DLGAP1: variants seen among roughly 807,000 people sequenced by gnomAD.
The protein encoded by DLGAP1 is DLG associated protein 1.
In DLGAP1, 11 loss-of-function variants were observed where a neutral mutation model predicts 90.8. The ratio of observed to expected loss-of-function variants is 0.12; its 90% CI spans 0.08 to 0.20. The LOEUF is 0.20. Ranked by LOEUF, DLGAP1 falls within the 10% of genes least tolerant of loss-of-function variation. The probability of loss-of-function intolerance (pLI) is 1.00; values close to 1 mark genes in which losing one functional copy is unlikely to be tolerated. For missense variants in DLGAP1, 1,050 were observed against 1,333.8 expected (o/e 0.79, Z 3.31); for synonymous variants, 558 against 540.7 (o/e 1.03, Z -0.44).
chr18:4,083,852 C>G (rs2075646310), intron 2 of DLGAP1, among the ~76,000 whole-genome samples: 1 of 152,118 alleles, frequency 6.6e-6, no homozygotes, highest in Non-Finnish European at 1.5e-5. Context: ...ACAGGGTGCT[C>G]TTTCAGCTTG....
At chr18:4,024,496 C>T (rs978459446) in intron 2 of DLGAP1, among the ~76,000 whole-genome samples, 2 of 152,154 alleles carry the variant, frequency 1.3e-5, no homozygotes, top group Non-Finnish European at 2.9e-5. Flanking sequence ...ACAAGACAGG[C>T]AAAGGGGACG....
intron 1 of DLGAP1, among the ~76,000 whole-genome samples, chr18:4,445,307 T>TTTA (rs1555620088): frequency 2.6e-5 from 4 of 151,654 alleles, no homozygotes; most frequent in Admixed American, 6.6e-5. Flanking sequence ...TCTTTTTTTT[T>TTTA]TTATTATACT....
intron 1 of DLGAP1, among the ~76,000 whole-genome samples, chr18:4,303,568 A>G (rs1351774863): frequency 6.6e-6 from 1 of 152,168 alleles, no homozygotes; most frequent in East Asian, 1.9e-4. Flanking sequence ...GATTGTATTG[A>G]CAATTCAAAT....
intron 7 of DLGAP1, among the ~76,000 whole-genome samples, chr18:3,584,329 A>C (rs1468979994): frequency 7.6e-6 from 1 of 131,836 alleles, no homozygotes; most frequent in Non-Finnish European, 1.6e-5. Context: ...AGACCTGGCC[A>C]TGCAGTCCCA....
At chr18:3,844,458 T>A (rs989571428) in intron 4 of DLGAP1, among the ~76,000 whole-genome samples, 1 of 152,182 alleles carries the variant, frequency 6.6e-6, no homozygotes, top group Admixed American at 6.6e-5. Flanking sequence ...AAAAGCTATA[T>A]CACAAAAAAG....
At position 3,562,167 on chromosome 18, in the gene DLGAP1, T is replaced by C. The variant is rs2054162316; in HGVS notation, c.2057+5323A>G. Among the ~76,000 whole-genome samples, 3 of 151,850 alleles carry C rather than the reference T, an allele frequency of 2.0e-5. No individual in the cohort carries two copies. In the South Asian group the frequency reaches 6.2e-4, roughly 32 times the overall value. ...GCTTGAACCCAGGAGGCAGAGGTTGTAGTGAGCCGAAATCATGCCATTGCA... is the reference window on the plus strand; with the variant it reads ...GCTTGAACCCAGGAGGCAGAGGTTGCAGTGAGCCGAAATCATGCCATTGCA... On this transcript the variant is annotated intron_variant, in intron 9 of 12. Transcript: ENST00000315677.
At chr18:4,243,320 T>A (rs567811955) in intron 1 of DLGAP1, among the ~76,000 whole-genome samples, 93 of 152,312 alleles carry the variant, frequency 6.1e-4, no homozygotes, top group African/African-American at 2.1e-3. Flanking sequence ...ACAAAACTCA[T>A]AAGTCTGATT....
intron 9 of DLGAP1, among the ~76,000 whole-genome samples, chr18:3,552,921 G>A (rs1599200594): frequency 1.3e-5 from 2 of 151,952 alleles, no homozygotes; most frequent in African/African-American, 4.8e-5. Context: ...CTGCCAAATC[G>A]GTTGTCACTT....
rs1357728867 is a variant in DLGAP1 at position 3,775,672 on chromosome 18, C to T, written c.1173-33160G>A. Among the ~76,000 whole-genome samples the T allele has an allele frequency of 6.6e-6, 1 of 152,164 alleles. No homozygotes were observed. The highest frequency in any genetic ancestry group is 2.4e-5 in the African/African-American group (1 of 41,440). On this transcript the variant is annotated intron_variant, in intron 5 of 12. Coordinates refer to ENST00000315677, the MANE Select transcript of DLGAP1 (RefSeq NM_004746.4). The surrounding 1 kb of genome is among the most constrained non-coding windows in gnomAD (Gnocchi z 4.9). ...TTTGTGTGCCATTTCTTCTATTAAT[C>T]TGCCTTTTAAAAGTTGATTTTCAGC...
intron 2 of DLGAP1, among the ~76,000 whole-genome samples, chr18:4,095,011 C>T (rs1039628463): frequency 5.9e-5 from 9 of 152,068 alleles, no homozygotes; most frequent in Admixed American, 4.6e-4. Flanking sequence ...CCCTTCTTCC[C>T]GTTCATTCAG....
intron 4 of DLGAP1, among the ~76,000 whole-genome samples, chr18:3,877,215 A>G (rs929926482): frequency 6.6e-6 from 1 of 152,254 alleles, no homozygotes; most frequent in Non-Finnish European, 1.5e-5. Flanking sequence ...TTTTCAATTA[A>G]TATCACTTTC....
intron 2 of DLGAP1, among the ~76,000 whole-genome samples, chr18:4,107,269 C>T (rs1339282005): frequency 6.6e-6 from 1 of 152,172 alleles, no homozygotes; most frequent in Non-Finnish European, 1.5e-5. Flanking sequence ...TTCTATAAGG[C>T]CTGACACTCC....
chr18:3,768,611 C>T (rs2064366607), intron 5 of DLGAP1, among the ~76,000 whole-genome samples: 1 of 152,076 alleles, frequency 6.6e-6, no homozygotes, highest in Admixed American at 6.5e-5. Context: ...CAGACCAGTG[C>T]AACAGAATGG....
At chr18:4,299,912 C>T (rs12963994) in intron 1 of DLGAP1, among the ~76,000 whole-genome samples, 32,756 of 152,014 alleles carry the variant, frequency 0.22, 3,621 homozygotes, top group African/African-American at 0.25. Context: ...ATTGGAAAAT[C>T]ATTAAAACTA....
At chr18:3,759,749 A>C (rs2063872730) in intron 5 of DLGAP1, among the ~76,000 whole-genome samples, 1 of 152,264 alleles carries the variant, frequency 6.6e-6, no homozygotes, top group African/African-American at 2.4e-5. Flanking sequence ...GCAAGCAAGC[A>C]ACCATAAGAG....
In DLGAP1 at chr18:3,499,176, G is replaced by A. The variant is rs1200847473; in HGVS notation, c.*9C>T. On this transcript the variant is annotated 3_prime_UTR_variant, in exon 13 of 13. Coordinates refer to ENST00000315677, the MANE Select transcript of DLGAP1 (RefSeq NM_004746.4). This position sits in a 1 kb window ranked among gnomAD's most constrained non-coding sequence, Gnocchi z 6.4. The stretch of plus-strand genomic sequence containing the variant: ...GATGCTTGGCGGCGGCGGCCGGGCT[G>A]CGGGGCGCTCAGAGCCGGGTCTGCG... The A allele has an allele frequency of 1.9e-6, 3 of 1,554,742 alleles. No individual in the cohort carries two copies. Among genetic ancestry groups the A allele is most frequent in the Non-Finnish European group, 2.6e-6 (3 of 1,157,550 alleles).
At chr18:3,612,066 T>C (rs2057661371) in intron 7 of DLGAP1, among the ~76,000 whole-genome samples, 1 of 152,246 alleles carries the variant, frequency 6.6e-6, no homozygotes, top group South Asian at 2.1e-4. Context: ...AAAGGCAATA[T>C]TGTATGATGT....
At chr18:3,602,982 C>G (rs1350554322) in intron 7 of DLGAP1, 1 of 152,154 alleles carries the variant, frequency 6.6e-6, no homozygotes, top group Non-Finnish European at 1.5e-5. Flanking sequence ...TTGCTGTTGC[C>G]GCTGCCTGTG....
chr18:4,368,651 ACAC>A (rs1227164323), intron 1 of DLGAP1, among the ~76,000 whole-genome samples: 2 of 149,158 alleles, frequency 1.3e-5, no homozygotes, highest in African/African-American at 5.0e-5. Context: ...ACACACACAC[ACAC>A]ACACACACAC....
Sources: gnomAD v4.1 joint callset for allele counts (sites outside exome capture counted in the v4.1 genomes callset) on GRCh38, gnomAD v4.1.1 for gene constraint, Gnocchi (gnomAD v3.1) non-coding constraint, MANE v1.5 for transcripts, NCBI Gene and HGNC (gene_info 2026-07-23, HGNC 2026-07-21) for gene names.